The following RASA1 variants were observed in gnomAD, a reference collection of about 807,000 sequenced individuals.
The protein encoded by RASA1 is RAS p21 protein activator 1, also known as ras GTPase-activating protein 1.
A neutral mutation model predicts 132.2 loss-of-function variants in RASA1; 25 were observed. The observed-to-expected ratio is 0.19, with a 90% CI of 0.14 to 0.26. The LOEUF is 0.26. Ranked by LOEUF, RASA1 falls within the 10% of genes least tolerant of loss-of-function variation. RASA1 has a pLI of 1.00. For synonymous variants in RASA1, 477 were observed against 449.9 expected (o/e 1.06, Z -0.76); for missense variants, 964 against 1,299.2 (o/e 0.74, Z 3.97).
intron 3 of RASA1, 140 bp downstream of exon 3, chr5:87,332,782 A>G: frequency 1.2e-6 from 1 of 867,030 alleles, no homozygotes. Flanking sequence ...TTATAATGTC[A>G]GAACAAAATG....
chr5:87,379,655 CTA>C, intron 18 of RASA1, 78 bp from the exon 19 acceptor site: 1 of 1,553,538 alleles, frequency 6.4e-7, no homozygotes, highest in Non-Finnish European at 8.7e-7. Flanking sequence ...ACCTCGAAAA[CTA>C]TAACTACTTG....
At chr5:87,317,670 C>T (rs1383002501) in intron 1 of RASA1, among the ~76,000 whole-genome samples, 45 of 148,354 alleles carry the variant, frequency 3.0e-4, no homozygotes, top group African/African-American at 1.1e-3. Context: ...GAATCTTGCT[C>T]TGTTGCCCAG....
In RASA1 at chr5:87,366,098, C is replaced by T. The variant is rs994495211; in HGVS notation, c.1610+2594C>T. On this transcript the variant is annotated intron_variant, in intron 11 of 24. Coordinates refer to ENST00000274376, the MANE Select transcript of RASA1 (RefSeq NM_002890.3). ...AGAAAAACTTTTGGTGAATGATTCTCATTTTGCAGATTTACTGAAGAATCA... is the reference window on the plus strand; with the variant it reads ...AGAAAAACTTTTGGTGAATGATTCTTATTTTGCAGATTTACTGAAGAATCA... 2.6e-5 allele frequency among the ~76,000 whole-genome samples: 4 copies of T among 152,090 alleles called. No homozygotes were observed. The South Asian group carries it at 6.2e-4, about 24-fold the overall frequency.
At position 87,374,729 on chromosome 5, in the gene RASA1, G is replaced by GT. The variant is rs200643915; in HGVS notation, c.1935-100dup. ...AATCTGGTTTTAGGTCTAGCACACT[G>GT]TTTTTTTTTTTAAAGCAGAAATAGG... On this transcript the variant is annotated intron_variant, in intron 14 of 24. Transcript: ENST00000274376. The GT allele has an allele frequency of 0.058, 60,907 of 1,041,298 alleles. 117 individuals carry two copies. The highest frequency in any genetic ancestry group is 0.088 in the African/African-American group (5,296 of 60,288). The allele number at this position is 1,041,298 out of a possible 1,614,324, so 64.5% of individuals were successfully genotyped here.
intron 8 of RASA1, among the ~76,000 whole-genome samples, chr5:87,349,846 C>T (rs1759128707): frequency 6.6e-6 from 1 of 151,808 alleles, no homozygotes; most frequent in African/African-American, 2.4e-5. Flanking sequence ...AAAGTAAACT[C>T]ATTGTTTGTC....
At chr5:87,302,384 C>T (rs1394835796) in intron 1 of RASA1, among the ~76,000 whole-genome samples, 1 of 151,844 alleles carries the variant, frequency 6.6e-6, no homozygotes, top group African/African-American at 2.4e-5. Flanking sequence ...TTCAAGTCTT[C>T]TGTCCAGTTT....
intron 1 of RASA1, among the ~76,000 whole-genome samples, chr5:87,328,708 T>G (rs1757406406): frequency 6.6e-6 from 1 of 152,178 alleles, no homozygotes; most frequent in African/African-American, 2.4e-5. Flanking sequence ...GACAGCCACC[T>G]TAGGGACTCT....
chr5:87,300,264 C>A (rs186100516), intron 1 of RASA1, among the ~76,000 whole-genome samples: 56 of 152,242 alleles, frequency 3.7e-4, no homozygotes, highest in Non-Finnish European at 2.9e-5. Context: ...GTGGTCCCAG[C>A]TACTTGGGAG....
chr5:87,312,098 T>C (rs929214550), intron 1 of RASA1, among the ~76,000 whole-genome samples: 4 of 152,274 alleles, frequency 2.6e-5, no homozygotes, highest in Non-Finnish European at 4.4e-5. Flanking sequence ...AGATGATCAC[T>C]GCATGATGCA....
chr5:87,297,040 A>G (rs1314778108), intron 1 of RASA1, among the ~76,000 whole-genome samples: 2 of 151,884 alleles, frequency 1.3e-5, no homozygotes, highest in Admixed American at 6.6e-5. Flanking sequence ...TTCCTTAGCT[A>G]TGTTCAGTCT....
chr5:87,381,018 C>T (rs971020400), intron 20 of RASA1, among the ~76,000 whole-genome samples: 5 of 152,152 alleles, frequency 3.3e-5, no homozygotes, highest in African/African-American at 1.2e-4. Context: ...ACATGTAGTT[C>T]TGAAGCTGTG....
rs766535240 is a variant in RASA1, at chr5:87,268,873, C to T, written c.422C>T (p.Pro141Leu). Residue 141 changes from proline to leucine, a missense_variant, in exon 1 of 25, where the codon CCT becomes CTT. Around this residue, in one of 6 missense-constraint regions of RASA1, gnomAD observed 326 missense variants for 275.8 expected, o/e 1.18. Coordinates refer to ENST00000274376, the MANE Select transcript of RASA1 (RefSeq NM_002890.3). ...GGGFPPLPPP[P>L]YLPPLGAGLG... is the part of the protein sequence containing the mutation. Reference sequence around the variant, plus strand: ...GGTTTTCCCCCTCTGCCCCCTCCCCCTTACCTGCCCCCTTTGGGGGCGGGC... The same window carrying T: ...GGTTTTCCCCCTCTGCCCCCTCCCCTTTACCTGCCCCCTTTGGGGGCGGGC... 3 of 1,614,072 alleles carry T rather than the reference C, an allele frequency of 1.9e-6. No individual in the cohort carries two copies. The highest frequency in any genetic ancestry group is 1.3e-5 in the African/African-American group (1 of 74,940).
At chr5:87,318,717 T>C (rs888777287) in intron 1 of RASA1, 1 of 152,156 alleles carries the variant, frequency 6.6e-6, no homozygotes, top group African/African-American at 2.4e-5. Flanking sequence ...GAGATTTGGA[T>C]GGGGGTACAG....
intron 1 of RASA1, among the ~76,000 whole-genome samples, chr5:87,286,714 T>A (rs926407750): frequency 6.6e-6 from 1 of 151,716 alleles, no homozygotes; most frequent in Non-Finnish European, 1.5e-5. Context: ...ATCTATTGTT[T>A]ACAGAGTAGT....
chr5:87,358,751 C>G (rs1759845924), intron 9 of RASA1, among the ~76,000 whole-genome samples: 1 of 152,216 alleles, frequency 6.6e-6, no homozygotes, highest in African/African-American at 2.4e-5. Context: ...GAACTCGTCT[C>G]TTCCTACTAT....
intron 22 of RASA1, 82 bp downstream of exon 22, chr5:87,385,471 ATT>A (rs1762002158): frequency 9.4e-7 from 1 of 1,062,494 alleles, no homozygotes; most frequent in Non-Finnish European, 1.4e-6. Flanking sequence ...GCTTAAGTAA[ATT>A]TTTAGCAGTG....
chr5:87,385,229 C>T (rs958644224), intron 21 of RASA1, 72 bp from the exon 22 acceptor site: 5 of 972,856 alleles, frequency 5.1e-6, no homozygotes, highest in African/African-American at 1.6e-5. Context: ...TATTAAAGTG[C>T]TAAATTTATA....
At position 87,286,344 on chromosome 5, in the gene RASA1, T is replaced by G. The variant is rs533869128; in HGVS notation, c.539+17354T>G. ...TCTCTTTCTTCTCCTATTAGAGTGG[T>G]CTGTTACTTTTTTCCCTTTTACTGA... is the stretch of plus-strand genomic sequence containing the variant. On this transcript the variant is annotated intron_variant, in intron 1 of 24. Coordinates refer to ENST00000274376, the MANE Select transcript of RASA1 (RefSeq NM_002890.3). Among the ~76,000 whole-genome samples the G allele has an allele frequency of 1.8e-4, 27 of 152,256 alleles. No homozygotes were observed. In the East Asian group the frequency reaches 3.3e-3, roughly 18 times the overall value.
chr5:87,271,785 G>GT (rs1449683733), intron 1 of RASA1, among the ~76,000 whole-genome samples: 1 of 151,838 alleles, frequency 6.6e-6, no homozygotes, highest in African/African-American at 2.4e-5. Flanking sequence ...CCAATAGACT[G>GT]TTTTTTAGAG....
Sources: gnomAD v4.1 joint callset for allele counts (sites outside exome capture counted in the v4.1 genomes callset) on GRCh38, gnomAD v4.1.1 for gene constraint, gnomAD v4.1.1 regional missense constraint, MANE v1.5 for transcripts, NCBI Gene and HGNC (gene_info 2026-07-23, HGNC 2026-07-21) for gene names.